Variants in CNTNAP2 observed in about 807,000 individuals in gnomAD.
CNTNAP2 encodes the protein contactin associated protein 2.
CNTNAP2 carries 98 observed loss-of-function variants against 155.2 expected under a neutral mutation model. That is an observed-to-expected ratio of 0.63 (90% CI 0.54 to 0.75). The LOEUF is 0.75. Among genes scored for constraint, CNTNAP2 ranks in the 30% least tolerant of loss-of-function variants. CNTNAP2 has a pLI of 0.00. For missense variants in CNTNAP2, 1,727 were observed against 1,688.1 expected (o/e 1.02, Z -0.40); for synonymous variants, 651 against 631.2 (o/e 1.03, Z -0.47).
chr7:147,053,341 T>C (rs1799505383), intron 4 of CNTNAP2, among the ~76,000 whole-genome samples: 1 of 151,934 alleles, frequency 6.6e-6, no homozygotes, highest in Non-Finnish European at 1.5e-5. Flanking sequence ...TATTTAATTG[T>C]TTTTTTTCTA....
At chr7:146,213,413 A>G (rs1446049818) in intron 1 of CNTNAP2, among the ~76,000 whole-genome samples, 1 of 152,120 alleles carries the variant, frequency 6.6e-6, no homozygotes, top group African/African-American at 2.4e-5. Context: ...TGTAAAACCT[A>G]CTTTACTTAA....
At chr7:146,744,250 AAGC>A (rs1801772035) in intron 1 of CNTNAP2, among the ~76,000 whole-genome samples, 2 of 149,660 alleles carry the variant, frequency 1.3e-5, no homozygotes, top group African/African-American at 5.0e-5. Context: ...AAAAAAAAAA[AAGC>A]ATTTAGATTT....
At chr7:148,049,054 A>T (rs1802833324) in intron 15 of CNTNAP2, among the ~76,000 whole-genome samples, 1 of 152,080 alleles carries the variant, frequency 6.6e-6, no homozygotes, top group Admixed American at 6.5e-5. Context: ...TCTACTAAAA[A>T]TACAAAAAAA....
intron 13 of CNTNAP2, among the ~76,000 whole-genome samples, chr7:147,764,289 C>T (rs1045079703): frequency 4.6e-5 from 7 of 152,128 alleles, no homozygotes; most frequent in Admixed American, 3.9e-4. Flanking sequence ...TTTTATTTGG[C>T]TATTCTATTA....
At chr7:147,055,608 A>G (rs1454208660) in intron 4 of CNTNAP2, among the ~76,000 whole-genome samples, 1 of 152,160 alleles carries the variant, frequency 6.6e-6, no homozygotes, top group Non-Finnish European at 1.5e-5. Flanking sequence ...GCTTTGAGAG[A>G]AAGGCATCTC....
At chr7:148,413,430 A>ATATATATC (rs1799898691) in intron 23 of CNTNAP2, among the ~76,000 whole-genome samples, 1 of 103,394 alleles carries the variant, frequency 9.7e-6, no homozygotes, top group African/African-American at 3.9e-5. Context: ...ATATATATAT[A>ATATATATC]TATATATATA....
At chr7:146,528,105 G>A (rs1446749826) in intron 1 of CNTNAP2, among the ~76,000 whole-genome samples, 3 of 152,144 alleles carry the variant, frequency 2.0e-5, no homozygotes, top group Non-Finnish European at 4.4e-5. Context: ...TTAGGGCACT[G>A]AAAGTCCTTT....
intron 14 of CNTNAP2, among the ~76,000 whole-genome samples, chr7:147,913,232 G>T (rs1011573732): frequency 2.0e-5 from 3 of 152,182 alleles, no homozygotes; most frequent in Non-Finnish European, 4.4e-5. Context: ...CTCTCATACT[G>T]CTGGCACAAG....
In CNTNAP2 at chr7:147,392,579, C is replaced by G. The variant is rs143094742; in HGVS notation, c.1499-3030C>G. Among the ~76,000 whole-genome samples the G allele has an allele frequency of 3.3e-3, 505 of 152,184 alleles. 2 individuals are homozygous for G. The highest frequency in any genetic ancestry group is 5.5e-3 in the Non-Finnish European group (374 of 67,980). On this transcript the variant is annotated intron_variant, in intron 9 of 23. Transcript: ENST00000361727. Reference sequence around the variant, plus strand: ...ATGCCTTTGCATTCTCATAGCTTAACTCCCACTTATGAGTGAGAACATACG... The same window carrying G: ...ATGCCTTTGCATTCTCATAGCTTAAGTCCCACTTATGAGTGAGAACATACG...
intron 10 of CNTNAP2, among the ~76,000 whole-genome samples, chr7:147,451,731 A>C: frequency 6.6e-6 from 1 of 151,980 alleles, no homozygotes; most frequent in East Asian, 1.9e-4. Context: ...TATTCCTACA[A>C]AGAGGTTGCT....
At chr7:146,331,612 T>C (rs909961644) in intron 1 of CNTNAP2, among the ~76,000 whole-genome samples, 2 of 152,064 alleles carry the variant, frequency 1.3e-5, no homozygotes, top group African/African-American at 2.4e-5. Flanking sequence ...ACTTTCTCCA[T>C]GGCTGCTGAT....
chr7:148,363,861 G>A (rs1433219510), intron 21 of CNTNAP2, among the ~76,000 whole-genome samples: 1 of 149,620 alleles, frequency 6.7e-6, no homozygotes, highest in Non-Finnish European at 1.5e-5. Flanking sequence ...GGGCCAGCTG[G>A]AGTTCCGGGT....
chr7:146,282,552 T>C (rs1800267996), intron 1 of CNTNAP2, among the ~76,000 whole-genome samples: 1 of 152,210 alleles, frequency 6.6e-6, no homozygotes, highest in Non-Finnish European at 1.5e-5. Flanking sequence ...TCATTTGATA[T>C]TAATGAAGTT....
At chr7:146,936,576 A>G (rs1796919138) in intron 3 of CNTNAP2, among the ~76,000 whole-genome samples, 1 of 152,218 alleles carries the variant, frequency 6.6e-6, no homozygotes, top group Admixed American at 6.5e-5. Flanking sequence ...GTGGCCTAAG[A>G]AGGACTCCTT....
At chr7:146,931,706 A>G (rs1160030809) in intron 3 of CNTNAP2, among the ~76,000 whole-genome samples, 12 of 148,282 alleles carry the variant, frequency 8.1e-5, no homozygotes, top group African/African-American at 2.8e-4. Context: ...TAATAAAGAA[A>G]AAAAGAGAGA....
chr7:148,254,009 GA>G (rs964686033), intron 20 of CNTNAP2, among the ~76,000 whole-genome samples: 8 of 151,046 alleles, frequency 5.3e-5, no homozygotes, highest in Middle Eastern at 3.2e-3. Context: ...GCATTTGGTT[GA>G]AAAAAAAATC....
chr7:146,195,016 A>C (rs1401632858), intron 1 of CNTNAP2: 2 of 152,184 alleles, frequency 1.3e-5, no homozygotes, highest in African/African-American at 4.8e-5. Flanking sequence ...TCACTTTGTC[A>C]CTTTAAAACA....
intron 11 of CNTNAP2, among the ~76,000 whole-genome samples, chr7:147,491,593 G>T (rs2107856): frequency 0.29 from 43,577 of 152,130 alleles, 6,384 homozygotes; most frequent in East Asian, 0.43. Context: ...TCATCCACCA[G>T]TTTAAATCTG....
intron 1 of CNTNAP2, among the ~76,000 whole-genome samples, chr7:146,151,700 A>ATATATGTATATATATATATATATGTG (rs1562969128): frequency 1.7e-5 from 1 of 57,562 alleles, no homozygotes; most frequent in Non-Finnish European, 3.3e-5. Flanking sequence ...ATATATATGT[A>ATATATGTATATATATATATATATGTG]TATATATATA....
Sources: allele counts gnomAD v4.1 joint callset (sites outside exome capture counted in the v4.1 genomes callset), GRCh38; gene constraint gnomAD v4.1.1; transcripts MANE v1.5; gene names NCBI Gene and HGNC (gene_info 2026-07-23, HGNC 2026-07-21).